Variants in NEB observed in about 807,000 individuals in gnomAD.
The protein encoded by NEB is nemaline myopathy type 2.
NEB carries 512 observed loss-of-function variants against 952.2 expected under a neutral mutation model. The ratio of observed to expected loss-of-function variants is 0.54; its 90% CI spans 0.50 to 0.58. The LOEUF is 0.58. Among genes scored for constraint, NEB ranks in the 20% least tolerant of loss-of-function variants. NEB has a pLI of 0.00. For synonymous variants in NEB, 2,900 were observed against 3,149.8 expected (o/e 0.92, Z 2.66); for missense variants, 8,428 against 9,231.1 (o/e 0.91, Z 3.56).
chr2:151,671,212 C>G lies in NEB; in HGVS notation c.4317G>C (p.Glu1439Asp). 6.2e-7 allele frequency: 1 copy of G among 1,613,490 alleles called. No homozygotes were observed. The highest frequency in any genetic ancestry group is 8.5e-7 in the Non-Finnish European group (1 of 1,179,478). The change falls in exon 38 of 182, where the codon GAG becomes GAC. Residue 1439 changes from glutamate to aspartate, a missense_variant. By Grantham distance (45) the Glu-to-Asp change is conservative. Around this residue, in one of 11 missense-constraint regions of NEB, gnomAD observed 2,851 missense variants for 2,791.5 expected, o/e 1.02. Transcript: ENST00000397345. ...QIQSDNVYKD[E>D]YNSFLKGIGW... is the part of the protein sequence containing the mutation. ...CGATGCCCTTCAAGAAGCTGTTATA[C>G]TCGTCTTTATACACATTCTGTAAAA...
chr2:151,577,682 G>A (rs547353501), intron 105 of NEB, among the ~76,000 whole-genome samples: 142 of 152,170 alleles, frequency 9.3e-4, no homozygotes, highest in African/African-American at 3.3e-3. Context: ...AGGTTCAAAC[G>A]ATTCTCCTGC....
chr2:151,719,035 A>G (rs2150416398), intron 9 of NEB, among the ~76,000 whole-genome samples: 1 of 152,058 alleles, frequency 6.6e-6, no homozygotes, highest in Middle Eastern at 3.4e-3. Flanking sequence ...TCCCCTCTCA[A>G]GCCTTCCCTG....
chr2:151,680,837 C>T lies in NEB; in HGVS notation c.2944-9G>A, dbSNP rs13427102. ...TGTTGGCGATATTTTTTCTGTTTGG[C>T]AAATCAAAAAGAGAAAAACAATCTT... On this transcript the variant is annotated splice_polypyrimidine_tract_variant and intron_variant, in intron 29 of 181. Transcript: ENST00000397345. The T allele has an allele frequency of 0.078, 124,282 of 1,592,550 alleles. 5,549 individuals carry two copies. The highest frequency in any genetic ancestry group is 0.18 in the African/African-American group (13,278 of 74,458).
chr2:151,706,894 T>A lies in NEB; in HGVS notation c.1139A>T (p.Asp380Val). The A allele has an allele frequency of 1.2e-6, 2 of 1,601,866 alleles. No individual in the cohort carries two copies. The highest frequency in any genetic ancestry group is 2.7e-5 in the African/African-American group (2 of 74,968). Reference sequence around the variant, plus strand: ...AAATATACTTACGTCACTTAGGGCATCTCCTGCTGCCTTCAGCTGCCTAAG... The same window carrying A: ...AAATATACTTACGTCACTTAGGGCAACTCCTGCTGCCTTCAGCTGCCTAAG... ...PQLRQLKAAGDALSDKLYKEN... is the reference protein window; with the variant it reads ...PQLRQLKAAGVALSDKLYKEN... Residue 380 changes from aspartate (D) to valine (V), a missense_variant, in exon 13 of 182, where the codon GAT (aspartate) becomes GTT (valine). Physicochemically the swap from Asp to Val is radical, Grantham distance 152. This residue lies in a region of NEB where 2,851 missense variants were observed against 2,791.5 expected (regional missense o/e 1.02). Transcript: ENST00000397345.
intron 27 of NEB, among the ~76,000 whole-genome samples, chr2:151,687,030 T>TTA (rs199952912): frequency 0.012 from 1,900 of 152,312 alleles, 20 homozygotes; most frequent in Middle Eastern, 0.031. Context: ...GATACTCTAT[T>TTA]AAGATTTTTG....
intron 73 of NEB, 27 bp from the exon 74 acceptor site, chr2:151,618,505 T>C (rs1362818345): frequency 1.3e-6 from 2 of 1,591,526 alleles, no homozygotes; most frequent in African/African-American, 1.3e-5. Flanking sequence ...AAGAAACAGA[T>C]TTATTAATTA....
Position 151,635,707 on chromosome 2 carries a change from C to CAAAAA in NEB, c.9102+515_9102+519dup, listed in dbSNP as rs1292764660. ...GGCAACAAGAGCAAAACTCTGTCTC[C>CAAAAA]AAAAAAAAAAAAAAAAAAAGAGTGT... On this transcript the variant is annotated intron_variant, in intron 64 of 181. Transcript: ENST00000397345. Among the ~76,000 whole-genome samples the CAAAAA allele has an allele frequency of 6.5e-3, 562 of 85,934 alleles. 8 individuals carry two copies. The highest frequency in any genetic ancestry group is 0.047 in the East Asian group (161 of 3,462). The allele number at this position is 85,934 out of a possible 152,430, so 56.4% of individuals were successfully genotyped here.
intron 6 of NEB, 60 bp from the exon 7 acceptor site, chr2:151,725,021 G>T (rs1236255378): frequency 4.6e-6 from 6 of 1,312,882 alleles, no homozygotes; most frequent in Admixed American, 3.5e-5. Flanking sequence ...GTATATTAAG[G>T]AATTTCTTAT....
intron 131 of NEB, 123 bp downstream of exon 131, chr2:151,548,185 C>T: frequency 1.2e-6 from 1 of 816,486 alleles, no homozygotes; most frequent in East Asian, 2.7e-5. Flanking sequence ...CAATAAGGAC[C>T]TTTTTCATTT....
rs1327710483 is a variant in NEB at position 151,620,357 on chromosome 2, A to G, written c.10560+562T>C. 2.5e-3 allele frequency among the ~76,000 whole-genome samples: 165 copies of G among 66,512 alleles called. 3 individuals carry two copies. Among genetic ancestry groups the G allele is most frequent in the African/African-American group, 7.1e-3 (160 of 22,474 alleles). 43.6% of individuals were successfully genotyped at this position (66,512 alleles called of 152,430 possible). A position where few individuals can be genotyped will look rare whatever the true frequency, so the allele number is the denominator to read the frequency against. On this transcript the variant is annotated intron_variant, in intron 72 of 181. Coordinates refer to ENST00000397345, the MANE Select transcript of NEB (RefSeq NM_001164508.2). ...TATATGTATGTGTGTGTATATATAT[A>G]TATATATATATATATATATATATAT...
intron 142 of NEB, 24 bp downstream of exon 142, chr2:151,535,667 T>C (rs767073916): frequency 1.4e-6 from 2 of 1,447,610 alleles, no homozygotes; most frequent in South Asian, 1.2e-5. Context: ...ATAGGCTTAA[T>C]TGGAGCAGTT....
In NEB at chr2:151,525,234, A is replaced by G. The variant is rs781212518; in HGVS notation, c.22201T>C (p.Ser7401Pro). ...GGCTCCAGCATGATGGAGTAGTTGG[A>G]TTTTCCTTTCTCCTTGACAAACTTC... Reference protein sequence around the residue: ...KKKFVKEKGKSNYSIMLEPPE... With the variant: ...KKKFVKEKGKPNYSIMLEPPE... Residue 7401 changes from serine (S) to proline (P), a missense_variant, in exon 151 of 182, where the codon TCC becomes CCC. Transcript: ENST00000397345. The G allele has an allele frequency of 6.2e-7, 1 of 1,613,862 alleles. No individual in the cohort carries two copies. Among genetic ancestry groups the G allele is most frequent in the Non-Finnish European group, 8.5e-7 (1 of 1,179,812 alleles).
Position 151,568,169 on chromosome 2 carries a change from T to G in NEB, c.17746A>C (p.Lys5916Gln). ...GCTTTTTGTCTCTCCCAGCCTTCCT[T>G]GTAGAGATACTGAAAGACAGAGCCA... ...AARILDQYLY[K>Q]EGWERQKATG... Residue 5916 changes from lysine (K) to glutamine (Q), a missense_variant, in exon 113 of 182, where the codon AAG (lysine) becomes CAG (glutamine). Lys to Gln is a moderately conservative substitution (Grantham distance 53). Around this residue, in one of 11 missense-constraint regions of NEB, gnomAD observed 3,374 missense variants for 3,651.5 expected, o/e 0.92. Coordinates refer to ENST00000397345, the MANE Select transcript of NEB (RefSeq NM_001164508.2). 6.2e-7 allele frequency: 1 copy of G among 1,613,086 alleles called. No individual in the cohort carries two copies. The highest frequency in any genetic ancestry group is 1.3e-5 in the African/African-American group (1 of 75,012).
Position 151,508,007 on chromosome 2 carries a change from G to A in NEB, c.23449C>T (p.Leu7817Phe). ...CCTTACATTTAATAAAAACTTACAA[G>A]GCTGAAGTTCTTTTGGTTCTCCCGG... ...RVRENQKNFS[L>F]LQYQCDLKNS... The change falls in exon 162 of 182, where the codon CTT becomes TTT. Residue 7817 changes from leucine (L) to phenylalanine (F), a missense_variant and splice_region_variant. Transcript: ENST00000397345. The A allele has an allele frequency of 6.2e-7, 1 of 1,602,612 alleles. No individual in the cohort carries two copies.
chr2:151,500,019 T>C (rs979448127), intron 168 of NEB, among the ~76,000 whole-genome samples: 1 of 152,220 alleles, frequency 6.6e-6, no homozygotes, highest in African/African-American at 2.4e-5. Context: ...ATAATATACT[T>C]ACTGTAGTAT....
chr2:151,733,120 C>G lies in NEB; in HGVS notation c.36+1G>C, dbSNP rs1553711195. 6.2e-7 allele frequency: 1 copy of G among 1,601,316 alleles called. No individual in the cohort carries two copies. The stretch of plus-strand genomic sequence containing the variant: ...GTCAGTGTTTTTTTTTTAAATCTTA[C>G]CTCCACCACCTCCTCATAGTCTTCG... On this transcript the variant is annotated splice_donor_variant, in intron 3 of 181. Transcript: ENST00000397345. LOFTEE classifies it high-confidence loss of function.
chr2:151,691,991 T>C (rs186310554), intron 22 of NEB, 23 bp from the exon 23 acceptor site: 12 of 1,609,002 alleles, frequency 7.5e-6, no homozygotes, highest in Non-Finnish European at 6.0e-6. Flanking sequence ...AAACCAAAAA[T>C]AGATCATGAT....
At chr2:151,661,274 A>C (rs747822944) in intron 46 of NEB, among the ~76,000 whole-genome samples, 4 of 152,200 alleles carry the variant, frequency 2.6e-5, no homozygotes, top group African/African-American at 9.6e-5. Flanking sequence ...TAAATCTTAA[A>C]AGAGGCACAG....
intron 34 of NEB, among the ~76,000 whole-genome samples, chr2:151,677,357 A>T (rs1172450648): frequency 6.6e-6 from 1 of 152,236 alleles, no homozygotes; most frequent in Admixed American, 6.5e-5. Context: ...TTAAAAAGGA[A>T]AAGTTTTTAA....
Sources: gnomAD v4.1 joint callset for allele counts (sites outside exome capture counted in the v4.1 genomes callset) on GRCh38, gnomAD v4.1.1 for gene constraint, gnomAD v4.1.1 regional missense constraint, MANE v1.5 for transcripts, NCBI Gene and HGNC (gene_info 2026-07-23, HGNC 2026-07-21) for gene names.